Variants in CLNK observed in about 807,000 individuals in gnomAD.
CLNK encodes the protein cytokine dependent hematopoietic cell linker.
CLNK carries 74 observed loss-of-function variants against 68.6 expected under a neutral mutation model. The observed-to-expected ratio is 1.08, with a 90% CI of 0.89 to 1.31. The LOEUF (loss-of-function observed/expected upper bound fraction) is 1.31, where lower values mean the gene tolerates loss of function less well. Among genes scored for constraint, CLNK ranks in the 50% most tolerant of loss-of-function variants. The pLI, the probability that CLNK is intolerant of heterozygous loss-of-function variation, is 0.00. For synonymous variants in CLNK, 198 were observed against 172.2 expected (o/e 1.15, Z -1.17); for missense variants, 553 against 515.3 (o/e 1.07, Z -0.71).
chr4:10,732,735 A>G, the CLNK span, among the ~76,000 whole-genome samples: 2 of 152,150 alleles, frequency 1.3e-5, no homozygotes, highest in Non-Finnish European at 2.9e-5. Flanking sequence ...ACCAAAAAAA[A>G]AAAAGCCTTA....
the CLNK span, among the ~76,000 whole-genome samples, chr4:10,694,102 C>G: frequency 6.6e-6 from 1 of 151,938 alleles, no homozygotes; most frequent in Non-Finnish European, 1.5e-5. Context: ...TTCCTAGGCC[C>G]TGTCCCTAAA....
intron 2 of CLNK, among the ~76,000 whole-genome samples, chr4:10,639,587 G>T (rs1455507024): frequency 1.3e-5 from 2 of 152,166 alleles, no homozygotes; most frequent in Admixed American, 6.5e-5. Context: ...CCATGAATTA[G>T]CAGTTTCTAG....
the CLNK span, among the ~76,000 whole-genome samples, chr4:10,708,179 G>A: frequency 6.6e-6 from 1 of 152,150 alleles, no homozygotes; most frequent in Non-Finnish European, 1.5e-5. Flanking sequence ...CCATCTATGT[G>A]ACTTCCTGAC....
intron 11 of CLNK, among the ~76,000 whole-genome samples, chr4:10,539,201 T>G (rs1281587843): frequency 6.6e-6 from 1 of 152,082 alleles, no homozygotes; most frequent in African/African-American, 2.4e-5. Flanking sequence ...GCCATGGCAG[T>G]TGAAAGGGGG....
intron 12 of CLNK, 133 bp downstream of exon 12, chr4:10,532,123 A>G (rs1718568038): frequency 4.0e-6 from 3 of 740,782 alleles, no homozygotes; most frequent in Non-Finnish European, 7.2e-6. Context: ...AAATAGAGAT[A>G]CTAATGCATT....
intron 15 of CLNK, 57 bp downstream of exon 15, chr4:10,520,734 C>A: frequency 7.5e-7 from 1 of 1,337,204 alleles, no homozygotes; most frequent in Non-Finnish European, 1.1e-6. Context: ...CACAGTGCCA[C>A]AATATCACAG....
intron 18 of CLNK, among the ~76,000 whole-genome samples, chr4:10,498,444 A>G (rs1716902391): frequency 6.6e-6 from 1 of 152,228 alleles, no homozygotes. Flanking sequence ...GTGAGCCGAG[A>G]TCGCGCCACT....
At chr4:10,725,192 G>C in the CLNK span, among the ~76,000 whole-genome samples, 1 of 151,744 alleles carries the variant, frequency 6.6e-6, no homozygotes, top group Non-Finnish European at 1.5e-5. Context: ...TAGCCCGCGG[G>C]GTGAGATGTG....
At chr4:10,607,378 A>AGTACAAT (rs1287209640) in intron 2 of CLNK, among the ~76,000 whole-genome samples, 1 of 152,174 alleles carries the variant, frequency 6.6e-6, no homozygotes, top group African/African-American at 2.4e-5. Context: ...ATTTGGCCAT[A>AGTACAAT]GTACAATCTC....
intron 6 of CLNK, 72 bp downstream of exon 6, chr4:10,565,937 A>C: frequency 6.6e-7 from 1 of 1,508,476 alleles, no homozygotes; most frequent in Non-Finnish European, 9.0e-7. Context: ...CAGAAACCGC[A>C]CCTTTAAATA....
intron 2 of CLNK, among the ~76,000 whole-genome samples, chr4:10,615,150 T>G (rs986176864): frequency 6.6e-6 from 1 of 151,890 alleles, no homozygotes. Flanking sequence ...TTGTGTCACT[T>G]CACTCCAGCC....
At chr4:10,714,738 T>C in the CLNK span, among the ~76,000 whole-genome samples, 3,823 of 151,912 alleles carry the variant, frequency 0.025, 163 homozygotes, top group African/African-American at 0.087. Context: ...TTCTCATATT[T>C]ATTCCATGAC....
At chr4:10,509,311 G>A (rs922535635) in intron 16 of CLNK, among the ~76,000 whole-genome samples, 2 of 152,176 alleles carry the variant, frequency 1.3e-5, no homozygotes, top group Admixed American at 6.6e-5. Flanking sequence ...ATCTGGAATG[G>A]TATGAGCTAG....
At chr4:10,555,349 C>T (rs1719624408) in intron 8 of CLNK, among the ~76,000 whole-genome samples, 1 of 152,080 alleles carries the variant, frequency 6.6e-6, no homozygotes, top group South Asian at 2.1e-4. Flanking sequence ...ATTTAGCTTC[C>T]TTTATTCTCA....
chr4:10,609,768 T>TTAC (rs1721937106), intron 2 of CLNK, among the ~76,000 whole-genome samples: 1 of 152,132 alleles, frequency 6.6e-6, no homozygotes, highest in Non-Finnish European at 1.5e-5. Flanking sequence ...TTTGCCAGAG[T>TTAC]TGTAGTCTCA....
chr4:10,552,164 T>C (rs1719488878), intron 8 of CLNK, among the ~76,000 whole-genome samples: 1 of 152,066 alleles, frequency 6.6e-6, no homozygotes, highest in African/African-American at 2.4e-5. Context: ...CCGAGAATTA[T>C]AATATTAATA....
chr4:10,691,874 C>A, the CLNK span, among the ~76,000 whole-genome samples: 1 of 152,094 alleles, frequency 6.6e-6, no homozygotes, highest in Non-Finnish European at 1.5e-5. Flanking sequence ...CTTATTAGTA[C>A]ATGTGATTAT....
At chr4:10,710,866 T>C in the CLNK span, among the ~76,000 whole-genome samples, 1 of 152,186 alleles carries the variant, frequency 6.6e-6, no homozygotes, top group African/African-American at 2.4e-5. Context: ...CACTCCTCCA[T>C]AAAAGACAAA....
intron 17 of CLNK, among the ~76,000 whole-genome samples, chr4:10,504,523 C>A (rs1030409119): frequency 6.6e-6 from 1 of 152,214 alleles, no homozygotes; most frequent in African/African-American, 2.4e-5. Flanking sequence ...TACCCTAAAG[C>A]ATCACGGTTA....
Sources: gnomAD v4.1 joint callset for allele counts (sites outside exome capture counted in the v4.1 genomes callset) on GRCh38, gnomAD v4.1.1 for gene constraint, MANE v1.5 for transcripts, NCBI Gene and HGNC (gene_info 2026-07-23, HGNC 2026-07-21) for gene names.